Variants in DLGAP1 observed in about 807,000 individuals in gnomAD.
The protein encoded by DLGAP1 is disks large-associated protein 1.
A neutral mutation model predicts 90.8 loss-of-function variants in DLGAP1; 11 were observed. The observed-to-expected ratio is 0.12, with a 90% CI of 0.08 to 0.20. The LOEUF (loss-of-function observed/expected upper bound fraction) is 0.20. Among genes scored for constraint, DLGAP1 ranks in the 10% least tolerant of loss-of-function variants. The pLI is 1.00. For missense variants in DLGAP1, 1,050 were observed against 1,333.8 expected, an observed-to-expected ratio of 0.79 and a Z score of 3.31; for synonymous variants, 558 against 540.7, an observed-to-expected ratio of 1.03 and a Z score of -0.44.
At chr18:3,876,457 T>A (rs1389935335) in intron 4 of DLGAP1, among the ~76,000 whole-genome samples, 2 of 152,346 alleles carry the variant, frequency 1.3e-5, no homozygotes, top group East Asian at 3.9e-4. Flanking sequence ...TATCTATTAA[T>A]AAGGATTAAC....
intron 2 of DLGAP1, among the ~76,000 whole-genome samples, chr18:4,091,945 C>G (rs1412546599): frequency 6.6e-6 from 1 of 151,680 alleles, no homozygotes; most frequent in African/African-American, 2.4e-5. Flanking sequence ...TAATGAATCA[C>G]AAATATCAAG....
chr18:4,151,195 G>A lies in DLGAP1; in HGVS notation c.-174C>T, dbSNP rs1416659876. The A allele has an allele frequency of 1.3e-5, 2 of 152,106 alleles. No individual in the cohort carries two copies. The highest frequency in any genetic ancestry group is 2.9e-5 in the Non-Finnish European group (2 of 68,022). 9.4% of individuals were successfully genotyped at this position (152,106 alleles called of 1,614,324 possible). On this transcript the variant is annotated 5_prime_UTR_variant, in exon 2 of 13. Coordinates refer to ENST00000315677, the MANE Select transcript of DLGAP1 (RefSeq NM_004746.4). ...GCAGTTTTACCTTTGATTATCAATT[G>A]TCCATTTTCCTTGCTTCCGAGTCAG...
intron 7 of DLGAP1, among the ~76,000 whole-genome samples, chr18:3,585,757 A>C (rs185310580): frequency 3.3e-5 from 5 of 152,270 alleles, no homozygotes; most frequent in Non-Finnish European, 5.9e-5. Context: ...CAGCCTGGGC[A>C]AGATAACGAG....
intron 4 of DLGAP1, among the ~76,000 whole-genome samples, chr18:3,860,442 T>C (rs915857728): frequency 6.6e-6 from 1 of 152,226 alleles, no homozygotes; most frequent in African/African-American, 2.4e-5. Flanking sequence ...ATTTTTATTA[T>C]CTCCACATTA....
At chr18:3,798,121 G>T (rs1409114114) in intron 5 of DLGAP1, among the ~76,000 whole-genome samples, 3 of 152,154 alleles carry the variant, frequency 2.0e-5, no homozygotes, top group Non-Finnish European at 4.4e-5. Flanking sequence ...GCATGAAAAT[G>T]GACTAATATC....
intron 3 of DLGAP1, among the ~76,000 whole-genome samples, chr18:3,991,263 C>T (rs2073962723): frequency 6.6e-6 from 1 of 152,248 alleles, no homozygotes; most frequent in Admixed American, 6.5e-5. Context: ...TGATGTCTTG[C>T]TCAGACTTTT....
chr18:3,523,248 A>C (rs778801544), intron 10 of DLGAP1, among the ~76,000 whole-genome samples: 2 of 151,744 alleles, frequency 1.3e-5, no homozygotes, highest in African/African-American at 4.8e-5. Context: ...ATGGTGGTGC[A>C]TGCCTGTAAT....
chr18:3,631,088 C>T (rs901982839), intron 7 of DLGAP1, among the ~76,000 whole-genome samples: 3 of 151,928 alleles, frequency 2.0e-5, no homozygotes, highest in Non-Finnish European at 1.5e-5. Flanking sequence ...TCAAGCAATT[C>T]TCCTGTCTCA....
At chr18:4,372,517 G>C (rs1324129859) in intron 1 of DLGAP1, among the ~76,000 whole-genome samples, 1 of 152,234 alleles carries the variant, frequency 6.6e-6, no homozygotes, top group Admixed American at 6.5e-5. Context: ...CTCCTGACTG[G>C]AAGTCCTGGT....
rs1486580499 is a variant in DLGAP1 at position 4,007,492 on chromosome 18, T to TA, written c.-158-2292dup. Among the ~76,000 whole-genome samples, 251 of 151,976 alleles carry TA rather than the reference T, an allele frequency of 1.7e-3. 1 individual carries two copies. The highest frequency in any genetic ancestry group is 6.0e-3 in the African/African-American group (247 of 41,456). ...TAACATGGCAAAACCCCGTCTCTAC[T>TA]AAAAAATACAAAAATTAGCCGGGCG... On this transcript the variant is annotated intron_variant, in intron 2 of 12. Coordinates refer to ENST00000315677, the MANE Select transcript of DLGAP1 (RefSeq NM_004746.4).
chr18:4,445,684 A>C (rs933094362), intron 1 of DLGAP1, among the ~76,000 whole-genome samples: 5 of 152,104 alleles, frequency 3.3e-5, no homozygotes, highest in African/African-American at 1.2e-4. Flanking sequence ...TGAGACATGC[A>C]AAAAACATCA....
At chr18:4,106,555 A>G (rs1313459137) in intron 2 of DLGAP1, among the ~76,000 whole-genome samples, 1 of 152,212 alleles carries the variant, frequency 6.6e-6, no homozygotes, top group African/African-American at 2.4e-5. Context: ...CAGGTTTGCT[A>G]AAATAAATGC....
intron 1 of DLGAP1, among the ~76,000 whole-genome samples, chr18:4,263,930 C>G (rs1014613432): frequency 6.6e-6 from 1 of 152,166 alleles, no homozygotes; most frequent in African/African-American, 2.4e-5. Context: ...TTAATATTGG[C>G]TCAACTATTA....
intron 2 of DLGAP1, among the ~76,000 whole-genome samples, chr18:4,144,600 G>C (rs1306190746): frequency 6.6e-6 from 1 of 152,160 alleles, no homozygotes; most frequent in Admixed American, 6.5e-5. Context: ...TCTTATAAAG[G>C]TGATTTTTTT....
rs146733707 is a variant in DLGAP1, at chr18:4,176,545, T to C, written c.-266-25258A>G. ...TAGGAGGAGCCTTCTTCATTTCCAC[T>C]GGTCTTACCCTTATTCAGATCTTTC... On this transcript the variant is annotated intron_variant, in intron 1 of 12. Transcript: ENST00000315677. 8.5e-5 allele frequency among the ~76,000 whole-genome samples: 13 copies of C among 152,328 alleles called. No individual in the cohort carries two copies. In the East Asian group the frequency reaches 2.3e-3, roughly 27 times the overall value.
In DLGAP1 at chr18:4,151,162, GA is replaced by G. The variant is rs1264381553; in HGVS notation, c.-159+17del. ...AACTGCTTCCTATACAAGTAAGGGGGAAAGGGGGCAGTTTTACCTTTGATTA... is the reference window on the plus strand; with the variant it reads ...AACTGCTTCCTATACAAGTAAGGGGGAAGGGGGCAGTTTTACCTTTGATTA... On this transcript the variant is annotated intron_variant, in intron 2 of 12. Transcript: ENST00000315677. The G allele has an allele frequency of 7.2e-5, 11 of 152,192 alleles. No homozygotes were observed. Among genetic ancestry groups the G allele is most frequent in the Non-Finnish European group, 1.5e-5 (1 of 68,020 alleles). 9.4% of individuals were successfully genotyped at this position (152,192 alleles called of 1,614,324 possible).
intron 3 of DLGAP1, among the ~76,000 whole-genome samples, chr18:3,913,633 A>G (rs1002078357): frequency 3.3e-4 from 51 of 152,372 alleles, no homozygotes; most frequent in African/African-American, 1.2e-3. Flanking sequence ...AAATTTCAGA[A>G]TAGATCAAAT....
chr18:4,441,249 T>C (rs2083529432), intron 1 of DLGAP1, among the ~76,000 whole-genome samples: 1 of 152,168 alleles, frequency 6.6e-6, no homozygotes, highest in Non-Finnish European at 1.5e-5. Flanking sequence ...GAGGTTTCTC[T>C]AGCAGTGACA....
chr18:3,930,644 T>C (rs1464922505), intron 3 of DLGAP1, among the ~76,000 whole-genome samples: 1 of 152,134 alleles, frequency 6.6e-6, no homozygotes, highest in Non-Finnish European at 1.5e-5. Flanking sequence ...AGGTGCTCCA[T>C]GGGCATTGCT....
Sources: gnomAD v4.1 joint callset for allele counts (sites outside exome capture counted in the v4.1 genomes callset) on GRCh38, gnomAD v4.1.1 for gene constraint, MANE v1.5 for transcripts, NCBI Gene and HGNC (gene_info 2026-07-23, HGNC 2026-07-21) for gene names.